Variants in CADPS2 observed in about 807,000 individuals in gnomAD.
CADPS2 encodes the protein calcium-dependent secretion activator 2.
CADPS2 carries 93 observed loss-of-function variants against 172.5 expected under a neutral mutation model. That is an observed-to-expected ratio of 0.54 (90% CI 0.46 to 0.64). The LOEUF (loss-of-function observed/expected upper bound fraction) is 0.64, where lower values mean the gene tolerates loss of function less well. Ranked by LOEUF, CADPS2 falls within the 30% of genes least tolerant of loss-of-function variation. CADPS2 has a pLI of 0.00. For missense variants in CADPS2, 1,420 were observed against 1,565.9 expected (o/e 0.91, Z 1.57); for synonymous variants, 546 against 555.2 (o/e 0.98, Z 0.23).
At chr7:122,806,987 T>C (rs767086821) in intron 1 of CADPS2, among the ~76,000 whole-genome samples, 21 of 152,226 alleles carry the variant, frequency 1.4e-4, no homozygotes, top group Non-Finnish European at 2.2e-4. Flanking sequence ...GAAGTAAGCA[T>C]TCCTCCTTTG....
Position 122,645,234 on chromosome 7 carries a change from T to TATATATACACACATATGTAC in CADPS2, c.787-15907_787-15906insGTACATATGTGTGTATATAT, listed in dbSNP as rs1563945873. 1.5e-3 allele frequency among the ~76,000 whole-genome samples: 5 copies of TATATATACACACATATGTAC among 3,302 alleles called. No individual in the cohort carries two copies. The East Asian group carries it at 0.095, about 63-fold the overall frequency. 2.2% of individuals were successfully genotyped at this position (3,302 alleles called of 152,430 possible). ...CATAAGTATATATATACGCTAAGTA[T>TATATATACACACATATGTAC]ATATATACACACATGTACATGTGTG... On this transcript the variant is annotated intron_variant, in intron 3 of 29. Transcript: ENST00000449022.
intron 2 of CADPS2, among the ~76,000 whole-genome samples, chr7:122,669,914 G>A (rs914323558): frequency 2.1e-4 from 32 of 151,756 alleles, no homozygotes; most frequent in Non-Finnish European, 4.4e-5. Context: ...ACAGATCCCA[G>A]TTTCCATCCT....
intron 1 of CADPS2, among the ~76,000 whole-genome samples, chr7:122,795,007 T>A (rs2139777935): frequency 6.6e-6 from 1 of 152,034 alleles, no homozygotes; most frequent in African/African-American, 2.4e-5. Flanking sequence ...AATGCCCACA[T>A]CAGAAAGTTA....
chr7:122,720,048 C>A (rs1194754552), intron 2 of CADPS2, among the ~76,000 whole-genome samples: 2 of 152,060 alleles, frequency 1.3e-5, no homozygotes, highest in Non-Finnish European at 2.9e-5. Flanking sequence ...ATACTGCAGT[C>A]TCCTCCTAAC....
chr7:122,636,685 C>T (rs1481638089), intron 3 of CADPS2, among the ~76,000 whole-genome samples: 3 of 151,988 alleles, frequency 2.0e-5, no homozygotes, highest in South Asian at 2.1e-4. Flanking sequence ...AGACTGGTCT[C>T]GAACTCCTGA....
rs75210559 is a variant in CADPS2 at position 122,881,605 on chromosome 7, A to G, written c.339+4394T>C. ...ATCAAAGCCAAAGGAGCACAAAAAAATGAATCACCCTATCTCCCTAAGAGT... is the reference window on the plus strand; with the variant it reads ...ATCAAAGCCAAAGGAGCACAAAAAAGTGAATCACCCTATCTCCCTAAGAGT... On this transcript the variant is annotated intron_variant, in intron 1 of 29. Coordinates refer to ENST00000449022, the MANE Select transcript of CADPS2 (RefSeq NM_017954.11). Among the ~76,000 whole-genome samples, 1,154 of 152,314 alleles carry G rather than the reference A, an allele frequency of 7.6e-3. 11 individuals are homozygous for G. The highest frequency in any genetic ancestry group is 0.026 in the African/African-American group (1,087 of 41,572).
chr7:122,434,147 G>C (rs2050336603), intron 17 of CADPS2, among the ~76,000 whole-genome samples: 1 of 152,182 alleles, frequency 6.6e-6, no homozygotes, highest in African/African-American at 2.4e-5. Flanking sequence ...GAAAAAGTTT[G>C]CTAAAGAGCA....
intron 17 of CADPS2, among the ~76,000 whole-genome samples, chr7:122,431,343 A>T (rs979672485): frequency 2.6e-5 from 4 of 152,210 alleles, no homozygotes; most frequent in Non-Finnish European, 5.9e-5. Context: ...ACATTCTAGG[A>T]CAATAAGTGG....
At chr7:122,503,796 A>C (rs2130538775) in intron 9 of CADPS2, among the ~76,000 whole-genome samples, 1 of 152,288 alleles carries the variant, frequency 6.6e-6, no homozygotes, top group African/African-American at 2.4e-5. Context: ...CTTTGGGTAC[A>C]CAACAGTGCC....
rs926289894 is a variant in CADPS2, at chr7:122,621,577, T to C, written c.1008A>G (p.Lys336=). Residue 336 remains lysine (K), a synonymous_variant, in exon 5 of 30, where the codon AAA becomes AAG. Transcript: ENST00000449022. Reference sequence around the variant, plus strand: ...ATGCAGAGTTCTGTGAACGTTTTAATTTTTGTAATTTAAATTCCGGACCAC... The same window carrying C: ...ATGCAGAGTTCTGTGAACGTTTTAACTTTTGTAATTTAAATTCCGGACCAC... ...SKGGPEFKLQ[K]LKRSQNSAFL... is the part of the protein sequence containing the mutation. 1 of 1,613,912 alleles carries C rather than the reference T, an allele frequency of 6.2e-7. No individual in the cohort carries two copies. The highest frequency in any genetic ancestry group is 8.5e-7 in the Non-Finnish European group (1 of 1,179,838).
intron 28 of CADPS2, among the ~76,000 whole-genome samples, chr7:122,328,132 G>GACAC (rs71159790): frequency 0.24 from 34,573 of 145,442 alleles, 4,420 homozygotes; most frequent in East Asian, 0.41. Context: ...GTAAAATGCA[G>GACAC]ACACACACAC....
chr7:122,344,579 T>C (rs1444345957), intron 28 of CADPS2, among the ~76,000 whole-genome samples: 2 of 152,238 alleles, frequency 1.3e-5, no homozygotes, highest in Non-Finnish European at 2.9e-5. Flanking sequence ...ATCAGTACTT[T>C]AAATCAAGAT....
intron 3 of CADPS2, among the ~76,000 whole-genome samples, chr7:122,646,484 G>A (rs553187311): frequency 1.3e-5 from 2 of 152,110 alleles, no homozygotes; most frequent in South Asian, 2.1e-4. Context: ...TCTGAAGGAG[G>A]TGGAATTTTT....
chr7:122,701,956 G>A, intron 2 of CADPS2: 1 of 1,613,644 alleles, frequency 6.2e-7, no homozygotes, highest in Non-Finnish European at 8.5e-7. Flanking sequence ...CTTGGGGTTT[G>A]TATGTGTCAA....
At chr7:122,574,445 T>TAAAAAAAAAAAAAAAAA (rs869077766) in intron 7 of CADPS2, among the ~76,000 whole-genome samples, 2 of 37,978 alleles carry the variant, frequency 5.3e-5, no homozygotes, top group East Asian at 7.8e-4. Flanking sequence ...GACCCTGTCT[T>TAAAAAAAAAAAAAAAAA]AAAAAAAAAA....
At chr7:122,645,378 TA>T (rs1284001865) in intron 3 of CADPS2, among the ~76,000 whole-genome samples, 1 of 78,282 alleles carries the variant, frequency 1.3e-5, no homozygotes, top group Non-Finnish European at 3.4e-5. Flanking sequence ...TATACACACA[TA>T]TGTACATGTG....
chr7:122,848,692 A>G (rs914768323), intron 1 of CADPS2, among the ~76,000 whole-genome samples: 3 of 152,242 alleles, frequency 2.0e-5, no homozygotes, highest in African/African-American at 7.2e-5. Context: ...TCAGGTTAAA[A>G]TAAGTATTTC....
At chr7:122,406,827 T>C (rs1436896614) in intron 20 of CADPS2, among the ~76,000 whole-genome samples, 1 of 152,102 alleles carries the variant, frequency 6.6e-6, no homozygotes, top group Non-Finnish European at 1.5e-5. Flanking sequence ...TCACTTCAAG[T>C]GCTGAAACAA....
chr7:122,622,388 A>G (rs1333865397), intron 4 of CADPS2, among the ~76,000 whole-genome samples: 1 of 152,238 alleles, frequency 6.6e-6, no homozygotes, highest in African/African-American at 2.4e-5. Flanking sequence ...GGGAAAAATT[A>G]ACAATATCAA....
Sources: gnomAD v4.1 joint callset for allele counts (sites outside exome capture counted in the v4.1 genomes callset) on GRCh38, gnomAD v4.1.1 for gene constraint, MANE v1.5 for transcripts, NCBI Gene and HGNC (gene_info 2026-07-23, HGNC 2026-07-21) for gene names.